PRSS23: variants seen among roughly 807,000 people sequenced by gnomAD.
PRSS23 encodes serine protease 23, also known as protease, serine 23.
A neutral mutation model predicts 34.7 loss-of-function variants in PRSS23; 25 were observed. That is an observed-to-expected ratio of 0.72 (90% confidence interval 0.53 to 1.01). The LOEUF is 1.01. Ranked by LOEUF, PRSS23 falls within the 50% of genes least tolerant of loss-of-function variation. PRSS23 has a pLI of 0.00. For missense variants in PRSS23, 445 were observed against 475.6 expected (o/e 0.94, Z 0.60); for synonymous variants, 176 against 186.6 (o/e 0.94, Z 0.46).
intron 2 of PRSS23, among the ~76,000 whole-genome samples, chr11:86,828,624 G>A (rs540054578): frequency 1.8e-4 from 27 of 152,222 alleles, no homozygotes; most frequent in African/African-American, 2.2e-4. Flanking sequence ...ATTTTGCAGC[G>A]GCTGGTACCG....
At chr11:86,877,124 C>T (rs575574943) in intron 2 of PRSS23, among the ~76,000 whole-genome samples, 2 of 152,364 alleles carry the variant, frequency 1.3e-5, no homozygotes, top group Admixed American at 1.3e-4. Context: ...TTAGCCCTCA[C>T]AGTGCCTCAT....
chr11:86,884,154 T>G (rs1459760976), intron 2 of PRSS23, among the ~76,000 whole-genome samples: 1 of 152,222 alleles, frequency 6.6e-6, no homozygotes, highest in Admixed American at 6.5e-5. Context: ...TCATGTCCTC[T>G]GTCTTTACCA....
intron 1 of PRSS23, among the ~76,000 whole-genome samples, chr11:86,817,395 T>C (rs12420039): frequency 0.14 from 21,452 of 152,178 alleles, 2,038 homozygotes; most frequent in East Asian, 0.42. Flanking sequence ...AAAAACAAAG[T>C]GAGCAATTCT....
chr11:86,811,192 G>A lies in PRSS23; in HGVS notation c.*2397G>A, dbSNP rs1408315344. ...ACCTGTTGTAAAGGGACAAGTTGAG[G>A]TTGTAAAATCTGCATTTAAATAAAC... On this transcript the variant is annotated 3_prime_UTR_variant, in exon 2 of 2. Coordinates refer to ENST00000280258, the MANE Select transcript of PRSS23 (RefSeq NM_007173.6). 6.0e-6 allele frequency: 1 copy of A among 167,070 alleles called. No homozygotes were observed. Among genetic ancestry groups the A allele is most frequent in the African/African-American group, 2.4e-5 (1 of 41,452 alleles). 10.3% of individuals were successfully genotyped at this position (167,070 alleles called of 1,614,324 possible).
intron 2 of PRSS23, among the ~76,000 whole-genome samples, chr11:86,899,400 T>A (rs1948896664): frequency 6.6e-6 from 1 of 152,032 alleles, no homozygotes; most frequent in South Asian, 2.1e-4. Context: ...GCACCTGTAG[T>A]CCCAGCTACT....
upstream of PRSS23, among the ~76,000 whole-genome samples, chr11:86,796,302 C>T (rs1289547642): frequency 6.6e-6 from 1 of 152,146 alleles, no homozygotes; most frequent in Non-Finnish European, 1.5e-5. Flanking sequence ...CCTCAGAATC[C>T]TCATCTGCAG....
At chr11:86,935,694 T>A (rs1949156996) in intron 2 of PRSS23, 3 of 152,164 alleles carry the variant, frequency 2.0e-5, no homozygotes, top group African/African-American at 4.8e-5. Context: ...CACTATTTTT[T>A]ATATAATAAC....
downstream of PRSS23, among the ~76,000 whole-genome samples, chr11:86,815,879 C>T (rs533068148): frequency 6.6e-6 from 1 of 152,298 alleles, no homozygotes; most frequent in African/African-American, 2.4e-5. Context: ...TGTTGTTTCT[C>T]CTTTAACTAT....
rs536363014 is a variant in PRSS23 at position 86,810,561 on chromosome 11, T to C, written c.*1766T>C. On this transcript the variant is annotated 3_prime_UTR_variant, in exon 2 of 2. Coordinates refer to ENST00000280258, the MANE Select transcript of PRSS23 (RefSeq NM_007173.6). ...GGAAGAAGGGAGGTCTCCATTTCTATGTCTGGTATTTGGGGGTTTTGTTTG... is the reference window on the plus strand; with the variant it reads ...GGAAGAAGGGAGGTCTCCATTTCTACGTCTGGTATTTGGGGGTTTTGTTTG... The C allele has an allele frequency of 6.0e-5, 10 of 167,220 alleles. No individual in the cohort carries two copies. In the East Asian group the frequency reaches 1.9e-3, roughly 32 times the overall value. The allele number at this position is 167,220 out of a possible 1,614,324, so 10.4% of individuals were successfully genotyped here.
intron 2 of PRSS23, among the ~76,000 whole-genome samples, chr11:86,875,576 G>A (rs890788946): frequency 6.6e-6 from 1 of 152,120 alleles, no homozygotes; most frequent in Non-Finnish European, 1.5e-5. Flanking sequence ...TCTACTCAGA[G>A]CATCCTTGGG....
At chr11:86,887,156 C>T (rs189582550) in intron 2 of PRSS23, among the ~76,000 whole-genome samples, 96 of 152,264 alleles carry the variant, frequency 6.3e-4, no homozygotes, top group Admixed American at 1.1e-3. Context: ...ACAGATATGA[C>T]TGACTCCAGA....
At chr11:86,843,560 T>C (rs1484955896) in intron 2 of PRSS23, among the ~76,000 whole-genome samples, 1 of 151,966 alleles carries the variant, frequency 6.6e-6, no homozygotes, top group East Asian at 1.9e-4. Context: ...ACAATGAACT[T>C]AAACAAATTT....
At chr11:86,852,623 A>G (rs1282960464) in intron 2 of PRSS23, among the ~76,000 whole-genome samples, 2 of 151,798 alleles carry the variant, frequency 1.3e-5, no homozygotes, top group African/African-American at 2.4e-5. Flanking sequence ...AATTTCCACT[A>G]TTTTTCAGTT....
At chr11:86,869,973 C>G (rs899896218) in intron 2 of PRSS23, among the ~76,000 whole-genome samples, 2 of 152,174 alleles carry the variant, frequency 1.3e-5, no homozygotes, top group Non-Finnish European at 2.9e-5. Context: ...GATTACTTGG[C>G]TAATAAGCAG....
At chr11:86,891,717 CCACGTTA>C (rs1948842165) in intron 2 of PRSS23, among the ~76,000 whole-genome samples, 1 of 152,144 alleles carries the variant, frequency 6.6e-6, no homozygotes, top group Non-Finnish European at 1.5e-5. Flanking sequence ...CCCATAATCC[CCACGTTA>C]CAAGGGACCA....
At chr11:86,879,967 G>A (rs1253061524) in intron 2 of PRSS23, among the ~76,000 whole-genome samples, 3 of 151,590 alleles carry the variant, frequency 2.0e-5, no homozygotes, top group African/African-American at 7.3e-5. Flanking sequence ...CATTGAGAAC[G>A]GGCCATGATG....
chr11:86,835,988 G>C (rs1948402379), intron 2 of PRSS23, among the ~76,000 whole-genome samples: 1 of 152,198 alleles, frequency 6.6e-6, no homozygotes, highest in African/African-American at 2.4e-5. Context: ...GTCCAGGTGA[G>C]TTGAGATGTG....
At chr11:86,905,545 C>T (rs962692562) in intron 2 of PRSS23, among the ~76,000 whole-genome samples, 2 of 152,204 alleles carry the variant, frequency 1.3e-5, no homozygotes, top group Non-Finnish European at 2.9e-5. Flanking sequence ...AGAAATGAAT[C>T]ATTAGGTCAT....
intron 2 of PRSS23, among the ~76,000 whole-genome samples, chr11:86,880,579 A>C (rs1372629197): frequency 3.3e-5 from 5 of 152,102 alleles, no homozygotes; most frequent in African/African-American, 1.2e-4. Context: ...GATTTGCTGC[A>C]CCTATTAACC....
Sources: gnomAD v4.1 joint callset for allele counts (sites outside exome capture counted in the v4.1 genomes callset) on GRCh38, gnomAD v4.1.1 for gene constraint, MANE v1.5 for transcripts, NCBI Gene and HGNC (gene_info 2026-07-23, HGNC 2026-07-21) for gene names.